The following PIP4K2A variants were observed in gnomAD, a reference collection of about 807,000 sequenced individuals.
PIP4K2A encodes phosphatidylinositol-5-phosphate 4-kinase type 2 alpha.
In PIP4K2A, 14 loss-of-function variants were observed where a neutral mutation model predicts 42.9. The observed-to-expected ratio is 0.33, with a 90% CI of 0.22 to 0.51. The LOEUF is 0.51. PIP4K2A is among the 20% of genes least tolerant of loss of function. The pLI is 0.97. For missense variants in PIP4K2A, 434 were observed against 519.8 expected (o/e 0.83, Z 1.61); for synonymous variants, 192 against 192.2 (o/e 1.00, Z 0.01).
intron 1 of PIP4K2A, among the ~76,000 whole-genome samples, chr10:22,687,140 A>C (rs2130892079): frequency 7.3e-6 from 1 of 137,164 alleles, no homozygotes; most frequent in East Asian, 1.9e-4. Context: ...AGAATAAGTC[A>C]GATTAAAAAA....
At chr10:22,700,468 A>C (rs1052231903) in intron 1 of PIP4K2A, among the ~76,000 whole-genome samples, 2 of 152,200 alleles carry the variant, frequency 1.3e-5, no homozygotes, top group East Asian at 3.8e-4. Flanking sequence ...GGAACGTGAC[A>C]TGAGAAATTT....
intron 5 of PIP4K2A, among the ~76,000 whole-genome samples, chr10:22,572,800 T>A (rs187578867): frequency 1.3e-5 from 2 of 152,300 alleles, no homozygotes; most frequent in East Asian, 3.9e-4. Flanking sequence ...TCTCTGTACT[T>A]ACAGTTCCCT....
intron 4 of PIP4K2A, among the ~76,000 whole-genome samples, chr10:22,581,565 T>A (rs1262189250): frequency 3.8e-5 from 3 of 78,674 alleles, no homozygotes; most frequent in Non-Finnish European, 6.7e-5. Flanking sequence ...ATCCTATCTC[T>A]AAAAAAAAAA....
At position 22,535,053 on chromosome 10, in the gene PIP4K2A, C is replaced by T. The variant is rs942520868; in HGVS notation, c.*2148G>A. 11 of 152,198 alleles carry T rather than the reference C, an allele frequency of 7.2e-5. No homozygotes were observed. Among genetic ancestry groups the T allele is most frequent in the African/African-American group, 2.2e-4 (9 of 41,438 alleles). The allele number at this position is 152,198 out of a possible 1,614,324, so 9.4% of individuals were successfully genotyped here. On this transcript the variant is annotated 3_prime_UTR_variant, in exon 10 of 10. Coordinates refer to ENST00000376573, the MANE Select transcript of PIP4K2A (RefSeq NM_005028.5). ...TAGCACTAGGAGATAACAGGGCAAACGTCCTCACTCTGTCCAAATGGTTTA... is the reference window on the plus strand; with the variant it reads ...TAGCACTAGGAGATAACAGGGCAAATGTCCTCACTCTGTCCAAATGGTTTA...
At chr10:22,539,869 G>A (rs1286100495) in intron 9 of PIP4K2A, 102 bp downstream of exon 9, 9 of 767,930 alleles carry the variant, frequency 1.2e-5, no homozygotes, top group Non-Finnish European at 1.9e-5. Flanking sequence ...TGAGTTACAG[G>A]TCACACAGAG....
chr10:22,701,873 T>TTGACA (rs1833721755), intron 1 of PIP4K2A, among the ~76,000 whole-genome samples: 1 of 151,970 alleles, frequency 6.6e-6, no homozygotes, highest in Admixed American at 6.5e-5. Flanking sequence ...GCCTCATGGG[T>TTGACA]TGACAGGAAC....
At chr10:22,541,061 C>T (rs1222420616) in intron 8 of PIP4K2A, among the ~76,000 whole-genome samples, 2 of 152,194 alleles carry the variant, frequency 1.3e-5, no homozygotes, top group East Asian at 3.8e-4. Context: ...CTGTTTTTAT[C>T]CTATCACAAA....
intron 2 of PIP4K2A, among the ~76,000 whole-genome samples, chr10:22,609,105 G>C (rs1393058611): frequency 1.3e-5 from 2 of 152,188 alleles, no homozygotes. Context: ...CTATATCATT[G>C]CATCTCTAGC....
Position 22,573,395 on chromosome 10 carries a change from A to G in PIP4K2A, c.555T>C (p.Asn185=), listed in dbSNP as rs2130795917. 6.2e-7 allele frequency: 1 copy of G among 1,613,822 alleles called. No homozygotes were observed. The highest frequency in any genetic ancestry group is 2.2e-5 in the East Asian group (1 of 44,888). Residue 185 remains asparagine (N), a synonymous_variant, in exon 5 of 10, where the codon AAT becomes AAC. Transcript: ENST00000376573. The part of the protein sequence containing the change: ...LPQFLGMYRL[N]VDGVEIYVIV... The stretch of plus-strand genomic sequence containing the variant: ...TCACATATATTTCAACTCCATCAAC[A>G]TTAAGCCGGTACATGCCCAAGAACT...
chr10:22,601,499 G>A (rs1564438169), intron 3 of PIP4K2A, among the ~76,000 whole-genome samples: 1 of 152,222 alleles, frequency 6.6e-6, no homozygotes. Flanking sequence ...CTCAGCCTCA[G>A]TGCGTCTCTG....
chr10:22,618,636 T>C (rs1360118125), intron 1 of PIP4K2A, among the ~76,000 whole-genome samples: 3 of 152,190 alleles, frequency 2.0e-5, no homozygotes, highest in Non-Finnish European at 4.4e-5. Flanking sequence ...CTCCACACCA[T>C]GCTCTTCTCT....
chr10:22,661,263 A>G (rs1285586980), intron 1 of PIP4K2A, among the ~76,000 whole-genome samples: 1 of 152,102 alleles, frequency 6.6e-6, no homozygotes, highest in East Asian at 1.9e-4. Context: ...TTTCTCATGA[A>G]AGCAACACTT....
chr10:22,689,074 G>A (rs998861505), intron 1 of PIP4K2A, among the ~76,000 whole-genome samples: 1 of 152,082 alleles, frequency 6.6e-6, no homozygotes, highest in Non-Finnish European at 1.5e-5. Context: ...TTTCTTCGAG[G>A]AGCACAAGGG....
intron 1 of PIP4K2A, among the ~76,000 whole-genome samples, chr10:22,632,057 G>A (rs539135293): frequency 4.1e-4 from 62 of 152,174 alleles, no homozygotes; most frequent in South Asian, 4.0e-3. Flanking sequence ...GCAAGCTCTC[G>A]GTGAGAGCCA....
At chr10:22,547,377 G>A (rs540487223) in intron 7 of PIP4K2A, among the ~76,000 whole-genome samples, 26 of 152,294 alleles carry the variant, frequency 1.7e-4, no homozygotes, top group African/African-American at 6.0e-4. Flanking sequence ...AGGGCCTGAC[G>A]CCCCAGTCTG....
intron 1 of PIP4K2A, among the ~76,000 whole-genome samples, chr10:22,622,155 A>G (rs950336267): frequency 4.6e-5 from 7 of 152,230 alleles, no homozygotes; most frequent in African/African-American, 1.7e-4. Flanking sequence ...GAGAAATGTC[A>G]AAGAATTTTT....
At chr10:22,703,500 T>C (rs1227501765) in intron 1 of PIP4K2A, among the ~76,000 whole-genome samples, 1 of 152,124 alleles carries the variant, frequency 6.6e-6, no homozygotes. Flanking sequence ...TGAGCTTGCC[T>C]TTAGGAACAG....
intron 1 of PIP4K2A, among the ~76,000 whole-genome samples, chr10:22,633,663 G>A (rs1401197960): frequency 6.6e-6 from 1 of 152,036 alleles, no homozygotes; most frequent in Non-Finnish European, 1.5e-5. Flanking sequence ...CTTCTCACCC[G>A]GACCGTCATT....
At chr10:22,630,155 CAG>C (rs112219685) in intron 1 of PIP4K2A, among the ~76,000 whole-genome samples, 9,554 of 148,678 alleles carry the variant, frequency 0.064, 455 homozygotes, top group African/African-American at 0.13. Flanking sequence ...CTGTGAAACA[CAG>C]GGCGACTTCA....
Sources: gnomAD v4.1 joint callset for allele counts (sites outside exome capture counted in the v4.1 genomes callset) on GRCh38, gnomAD v4.1.1 for gene constraint, MANE v1.5 for transcripts, NCBI Gene and HGNC (gene_info 2026-07-23, HGNC 2026-07-21) for gene names.